Variants in SLX9 observed in about 807,000 individuals in gnomAD.
SLX9 encodes SLX9 ribosome biogenesis factor.
A neutral mutation model predicts 20.8 loss-of-function variants in SLX9; 19 were observed. That is an observed-to-expected ratio of 0.91 (90% CI 0.64 to 1.34). The LOEUF is 1.34. Among genes scored for constraint, SLX9 ranks in the 40% most tolerant of loss-of-function variants. The pLI, the probability that SLX9 is intolerant of heterozygous loss-of-function variation, is 0.00. For missense variants in SLX9, 299 were observed against 322.2 expected (o/e 0.93, Z 0.55); for synonymous variants, 113 against 137.1 (o/e 0.82, Z 1.23).
chr21:44,971,703 G>GT (rs1399997107), intron 4 of SLX9, among the ~76,000 whole-genome samples: 1 of 151,948 alleles, frequency 6.6e-6, no homozygotes, highest in Non-Finnish European at 1.5e-5. Flanking sequence ...TAGAGGAGGG[G>GT]CCCCACGCTG....
At chr21:44,966,944 C>A in intron 3 of SLX9, 90 bp from the exon 4 acceptor site, 1 of 1,520,070 alleles carries the variant, frequency 6.6e-7, no homozygotes, top group South Asian at 1.2e-5. Flanking sequence ...GGGCCGGGCA[C>A]CCTGCCAGGT....
intron 2 of SLX9, among the ~76,000 whole-genome samples, chr21:44,949,904 C>G (rs1210814927): frequency 6.6e-6 from 1 of 152,200 alleles, no homozygotes. Context: ...CCTTGGCTTC[C>G]TGGCCGTCCC....
chr21:44,952,670 C>T (rs909434567), intron 2 of SLX9, among the ~76,000 whole-genome samples: 3 of 152,230 alleles, frequency 2.0e-5, no homozygotes, highest in South Asian at 2.1e-4. Context: ...TGTGGCCCCA[C>T]GGGACCCTCC....
intron 2 of SLX9, among the ~76,000 whole-genome samples, chr21:44,953,170 T>G (rs984282438): frequency 1.3e-5 from 2 of 152,224 alleles, no homozygotes; most frequent in African/African-American, 4.8e-5. Flanking sequence ...CAGACACTAC[T>G]CCTCATGGGA....
chr21:44,966,350 C>T (rs1033649290), intron 3 of SLX9, among the ~76,000 whole-genome samples: 4 of 152,288 alleles, frequency 2.6e-5, no homozygotes, highest in South Asian at 2.1e-4. Context: ...AGGCCTGTCC[C>T]GGTGGGTTGC....
At chr21:44,968,857 C>T (rs550674029) in intron 4 of SLX9, among the ~76,000 whole-genome samples, 10 of 151,946 alleles carry the variant, frequency 6.6e-5, no homozygotes, top group Non-Finnish European at 1.3e-4. Flanking sequence ...GGGTTCACAC[C>T]ATTCTCCTGC....
intron 5 of SLX9, among the ~76,000 whole-genome samples, chr21:44,974,538 A>G (rs2085226657): frequency 6.6e-6 from 1 of 152,216 alleles, no homozygotes; most frequent in Non-Finnish European, 1.5e-5. Flanking sequence ...TAGTATAGTA[A>G]ACTGTCTTTT....
chr21:44,949,101 G>A lies in SLX9; in HGVS notation c.283+5264G>A, dbSNP rs796502694. ...CCCTTTGAGATTGGAGTGGGCGTTG[G>A]AAGCAGGGAGAGGCCAGGCAGCAGG... On this transcript the variant is annotated intron_variant, in intron 2 of 5. Transcript: ENST00000291634. Among the ~76,000 whole-genome samples the A allele has an allele frequency of 3.3e-5, 5 of 152,208 alleles. No individual in the cohort carries two copies. In the South Asian group the frequency reaches 6.2e-4, roughly 19 times the overall value.
intron 4 of SLX9, among the ~76,000 whole-genome samples, chr21:44,971,172 G>C (rs188939379): frequency 6.6e-6 from 1 of 152,264 alleles, no homozygotes; most frequent in Non-Finnish European, 1.5e-5. Context: ...GGTGATTGTC[G>C]GGAGGGGAGT....
At chr21:44,976,474 T>C (rs999034049) in intron 5 of SLX9, among the ~76,000 whole-genome samples, 4 of 152,170 alleles carry the variant, frequency 2.6e-5, no homozygotes, top group African/African-American at 9.7e-5. Flanking sequence ...CAGTGGGCGC[T>C]GCCAGGGCTC....
At chr21:44,976,385 C>T (rs556905192) in intron 5 of SLX9, among the ~76,000 whole-genome samples, 3 of 152,308 alleles carry the variant, frequency 2.0e-5, no homozygotes, top group East Asian at 1.9e-4. Context: ...TGGGAGTTGC[C>T]GCCGCGTTTC....
chr21:44,950,853 G>C (rs1014170099), intron 2 of SLX9, among the ~76,000 whole-genome samples: 6 of 152,178 alleles, frequency 3.9e-5, no homozygotes, highest in Admixed American at 2.0e-4. Flanking sequence ...TCTGCGAAAG[G>C]GGGGTGTCGG....
intron 3 of SLX9, among the ~76,000 whole-genome samples, chr21:44,966,745 G>GCA (rs1235522464): frequency 2.6e-5 from 4 of 152,250 alleles, no homozygotes; most frequent in Non-Finnish European, 4.4e-5. Flanking sequence ...CCCTACGCGT[G>GCA]CTCCGGCCAC....
rs147354779 is a variant in SLX9 at position 44,957,850 on chromosome 21, T to C, written c.284-2250T>C. On this transcript the variant is annotated intron_variant, in intron 2 of 5. Transcript: ENST00000291634. ...GGGGACTTGCCCGTCTCCTGACACCTTTGAGCTGTGGACTGAGCGGGCCAG... is the reference window on the plus strand; with the variant it reads ...GGGGACTTGCCCGTCTCCTGACACCCTTGAGCTGTGGACTGAGCGGGCCAG... 6.5e-3 allele frequency among the ~76,000 whole-genome samples: 984 copies of C among 152,332 alleles called. 5 individuals carry two copies. The highest frequency in any genetic ancestry group is 0.014 in the Middle Eastern group (4 of 294).
intron 1 of SLX9, 112 bp downstream of exon 1, chr21:44,940,298 CG>C: frequency 8.5e-7 from 1 of 1,176,228 alleles, no homozygotes; most frequent in Non-Finnish European, 1.1e-6. Flanking sequence ...TCGGGCTCTG[CG>C]GGCATTTGCT....
intron 4 of SLX9, among the ~76,000 whole-genome samples, chr21:44,968,468 C>T (rs1343619246): frequency 1.3e-5 from 2 of 152,246 alleles, no homozygotes; most frequent in African/African-American, 4.8e-5. Flanking sequence ...CTCCCTGTCA[C>T]CTCGCAGGGG....
intron 2 of SLX9, among the ~76,000 whole-genome samples, chr21:44,959,059 T>C (rs2084908729): frequency 6.6e-6 from 1 of 152,150 alleles, no homozygotes; most frequent in South Asian, 2.1e-4. Context: ...TGGAGGAAAG[T>C]AGGTCAACCC....
At chr21:44,965,912 C>T (rs1179281564) in intron 3 of SLX9, among the ~76,000 whole-genome samples, 1 of 152,118 alleles carries the variant, frequency 6.6e-6, no homozygotes, top group Non-Finnish European at 1.5e-5. Flanking sequence ...AGTAACGTGT[C>T]TACCACAGTC....
intron 3 of SLX9, 89 bp from the exon 4 acceptor site, chr21:44,966,945 C>A: frequency 2.0e-6 from 3 of 1,521,698 alleles, no homozygotes; most frequent in Non-Finnish European, 2.7e-6. Context: ...GGCCGGGCAC[C>A]CTGCCAGGTC....
Sources: gnomAD v4.1 joint callset for allele counts (sites outside exome capture counted in the v4.1 genomes callset) on GRCh38, gnomAD v4.1.1 for gene constraint, MANE v1.5 for transcripts, NCBI Gene and HGNC (gene_info 2026-07-23, HGNC 2026-07-21) for gene names.